IMMP2L: variants seen among roughly 807,000 people sequenced by gnomAD.
IMMP2L encodes inner mitochondrial membrane peptidase subunit 2.
IMMP2L carries 18 observed loss-of-function variants against 19.3 expected under a neutral mutation model. That is an observed-to-expected ratio of 0.93 (90% confidence interval 0.64 to 1.38). The LOEUF (loss-of-function observed/expected upper bound fraction) is 1.38, where lower values mean the gene tolerates loss of function less well. Ranked by LOEUF, IMMP2L falls within the 40% of genes most tolerant of loss-of-function variation. The probability of loss-of-function intolerance (pLI) is 0.00; values close to 1 mark genes in which losing one functional copy is unlikely to be tolerated. For missense variants in IMMP2L, 233 were observed against 218.2 expected (o/e 1.07, Z -0.43); for synonymous variants, 76 against 73.0 (o/e 1.04, Z -0.21).
intron 3 of IMMP2L, among the ~76,000 whole-genome samples, chr7:111,309,871 A>T (rs561735074): frequency 6.6e-6 from 1 of 152,260 alleles, no homozygotes; most frequent in East Asian, 1.9e-4. Flanking sequence ...TAGAGATTTT[A>T]AAATATTTTG....
rs190379138 is a variant in IMMP2L at position 110,991,890 on chromosome 7, T to C, written c.240-28325A>G. Among the ~76,000 whole-genome samples, 6 of 152,288 alleles carry C rather than the reference T, an allele frequency of 3.9e-5. No individual in the cohort carries two copies. The East Asian group carries it at 7.7e-4, about 20-fold the overall frequency. Reference sequence around the variant, plus strand: ...TGACCTACTCGACTCCAAATTTAGATCATGCTCTCCTCTTTGCTTTCACTT... The same window carrying C: ...TGACCTACTCGACTCCAAATTTAGACCATGCTCTCCTCTTTGCTTTCACTT... On this transcript the variant is annotated intron_variant, in intron 3 of 5. Transcript: ENST00000405709.
chr7:111,233,862 T>C (rs1403306611), intron 3 of IMMP2L, among the ~76,000 whole-genome samples: 1 of 152,048 alleles, frequency 6.6e-6, no homozygotes, highest in Non-Finnish European at 1.5e-5. Flanking sequence ...ATGTAAAAAT[T>C]TAAAAATTAA....
chr7:110,667,538 A>G (rs1003968259), intron 5 of IMMP2L, among the ~76,000 whole-genome samples: 5 of 152,210 alleles, frequency 3.3e-5, no homozygotes, highest in Non-Finnish European at 2.9e-5. Flanking sequence ...GGTCCTAAAC[A>G]GTGAAAGCAG....
In IMMP2L at chr7:111,212,964, C is replaced by G. The variant is rs1266318917; in HGVS notation, c.240-249399G>C. Among the ~76,000 whole-genome samples the G allele has an allele frequency of 2.0e-5, 3 of 152,298 alleles. No homozygotes were observed. In the South Asian group the frequency reaches 6.2e-4, roughly 32 times the overall value. On this transcript the variant is annotated intron_variant, in intron 3 of 5. Coordinates refer to ENST00000405709, the MANE Select transcript of IMMP2L (RefSeq NM_032549.4). ...ATCTAGAGCAGAGGCTGCCATGACA[C>G]CAGCTTCAGTGGAGGATGTGTTTCC...
Position 111,225,592 on chromosome 7 carries a change from T to A in IMMP2L, c.239+261646A>T, listed in dbSNP as rs1427876223. On this transcript the variant is annotated intron_variant, in intron 3 of 5. Coordinates refer to ENST00000405709, the MANE Select transcript of IMMP2L (RefSeq NM_032549.4). ...GAAAGTACTACTTATTGAGTTTTGGTATAATATCAATATAATATCAAAGAA... is the reference window on the plus strand; with the variant it reads ...GAAAGTACTACTTATTGAGTTTTGGAATAATATCAATATAATATCAAAGAA... 2.7e-5 allele frequency among the ~76,000 whole-genome samples: 4 copies of A among 150,316 alleles called. 1 individual carries two copies. Among genetic ancestry groups the A allele is most frequent in the African/African-American group, 9.8e-5 (4 of 40,710 alleles).
rs949120873 is a variant in IMMP2L, at chr7:111,411,634, G to A, written c.239+75604C>T. Reference sequence around the variant, plus strand: ...GGGAAGTGCACAAAATCAACCCTGAGTGTAAATCTGTCCACCATTGCATCA... The same window carrying A: ...GGGAAGTGCACAAAATCAACCCTGAATGTAAATCTGTCCACCATTGCATCA... On this transcript the variant is annotated intron_variant, in intron 3 of 5. Transcript: ENST00000405709. The A allele has an allele frequency of 1.9e-4, 50 of 265,696 alleles. 1 individual carries two copies. The highest frequency in any genetic ancestry group is 1.1e-3 in the African/African-American group (48 of 43,992). 16.5% of individuals were successfully genotyped at this position (265,696 alleles called of 1,614,324 possible). A position where few individuals can be genotyped will look rare whatever the true frequency, so the allele number is the denominator to read the frequency against.
At chr7:111,520,663 T>A (rs1402167110) in intron 2 of IMMP2L, among the ~76,000 whole-genome samples, 2 of 152,078 alleles carry the variant, frequency 1.3e-5, no homozygotes, top group Non-Finnish European at 2.9e-5. Context: ...GGAAACCAAA[T>A]CCTATAACAA....
At chr7:111,385,322 C>A (rs535888455) in intron 3 of IMMP2L, among the ~76,000 whole-genome samples, 3 of 152,232 alleles carry the variant, frequency 2.0e-5, no homozygotes, top group Admixed American at 6.5e-5. Flanking sequence ...CCTTTCAATA[C>A]AGCAATTTGC....
intron 3 of IMMP2L, among the ~76,000 whole-genome samples, chr7:111,212,172 ATCTC>A (rs142542772): frequency 2.0e-5 from 3 of 150,024 alleles, no homozygotes; most frequent in East Asian, 1.9e-4. Flanking sequence ...CTCTATCTCT[ATCTC>A]TCTCTCTCTC....
At position 111,549,045 on chromosome 7, in the gene IMMP2L, CAGA is replaced by C. The variant is rs527741849; in HGVS notation, c.-3+12803_-3+12805del. Among the ~76,000 whole-genome samples the C allele has an allele frequency of 1.9e-3, 293 of 152,262 alleles. 2 individuals are homozygous for C. Among genetic ancestry groups the C allele is most frequent in the African/African-American group, 6.1e-3 (255 of 41,560 alleles). On this transcript the variant is annotated intron_variant, in intron 1 of 5. Transcript: ENST00000405709. The stretch of plus-strand genomic sequence containing the variant: ...AGAATATCCCAAAGGGTATACCTTT[CAGA>C]AGAAGACAAGGCTTAATCAGTGAGA...
chr7:110,981,381 C>G (rs563834827), intron 3 of IMMP2L, among the ~76,000 whole-genome samples: 1 of 152,088 alleles, frequency 6.6e-6, no homozygotes, highest in South Asian at 2.1e-4. Flanking sequence ...TAACACAAAT[C>G]TGGTCATGCC....
chr7:110,719,863 C>A (rs568615014), intron 5 of IMMP2L, among the ~76,000 whole-genome samples: 3 of 152,298 alleles, frequency 2.0e-5, no homozygotes, highest in African/African-American at 7.2e-5. Context: ...CATTGTAAAT[C>A]ACCACCCACT....
chr7:111,390,293 C>T (rs1260065713), intron 3 of IMMP2L, among the ~76,000 whole-genome samples: 1 of 152,126 alleles, frequency 6.6e-6, no homozygotes, highest in Non-Finnish European at 1.5e-5. Context: ...GTCAGGCCTG[C>T]CTCACAGTTT....
chr7:110,714,460 T>C (rs1326901527), intron 5 of IMMP2L, among the ~76,000 whole-genome samples: 1 of 152,200 alleles, frequency 6.6e-6, no homozygotes, highest in African/African-American at 2.4e-5. Context: ...GCTGGTTTCA[T>C]AGAATGAGTT....
At chr7:111,546,209 G>A (rs1228487905) in intron 1 of IMMP2L, among the ~76,000 whole-genome samples, 4 of 151,934 alleles carry the variant, frequency 2.6e-5, no homozygotes, top group Non-Finnish European at 5.9e-5. Flanking sequence ...ATACAATCTA[G>A]TAGAAAACTT....
At chr7:111,480,011 T>C (rs1842040588) in intron 3 of IMMP2L, among the ~76,000 whole-genome samples, 1 of 152,114 alleles carries the variant, frequency 6.6e-6, no homozygotes, top group Non-Finnish European at 1.5e-5. Context: ...TAATTAAGTG[T>C]ATAAGCATTG....
intron 4 of IMMP2L, among the ~76,000 whole-genome samples, chr7:110,950,441 T>C (rs747036814): frequency 6.6e-6 from 1 of 152,086 alleles, no homozygotes; most frequent in Non-Finnish European, 1.5e-5. Flanking sequence ...AAGGATATAC[T>C]GTTGTTTGGG....
intron 5 of IMMP2L, among the ~76,000 whole-genome samples, chr7:110,705,537 A>G (rs1460921866): frequency 6.6e-6 from 1 of 152,156 alleles, no homozygotes; most frequent in African/African-American, 2.4e-5. Context: ...ATTTCATCTC[A>G]TAAGTTTTAA....
chr7:111,327,942 C>G (rs187301670), intron 3 of IMMP2L, among the ~76,000 whole-genome samples: 35 of 151,434 alleles, frequency 2.3e-4, no homozygotes, highest in Non-Finnish European at 4.6e-4. Context: ...AAAATAGGTA[C>G]GTATAGTAGA....
Sources: gnomAD v4.1 joint callset for allele counts (sites outside exome capture counted in the v4.1 genomes callset) on GRCh38, gnomAD v4.1.1 for gene constraint, MANE v1.5 for transcripts, NCBI Gene and HGNC (gene_info 2026-07-23, HGNC 2026-07-21) for gene names.